Variants in FBXL13 observed in about 807,000 individuals in gnomAD.
FBXL13 encodes the protein F-box and leucine rich repeat protein 13.
FBXL13 carries 67 observed loss-of-function variants against 83.6 expected under a neutral mutation model. That is an observed-to-expected ratio of 0.80 (90% CI 0.66 to 0.98). The LOEUF is 0.98. Ranked by LOEUF, FBXL13 falls within the 50% of genes least tolerant of loss-of-function variation. The pLI, the probability that FBXL13 is intolerant of heterozygous loss-of-function variation, is 0.00. For synonymous variants in FBXL13, 272 were observed against 299.5 expected, an observed-to-expected ratio of 0.91 and a Z score of 0.95; for missense variants, 822 against 866.5, an observed-to-expected ratio of 0.95 and a Z score of 0.64.
chr7:102,997,479 C>T (rs1346506038), intron 6 of FBXL13, among the ~76,000 whole-genome samples: 1 of 152,126 alleles, frequency 6.6e-6, no homozygotes, highest in Non-Finnish European at 1.5e-5. Context: ...TTGTTAACTA[C>T]AGTCACCCAA....
intron 14 of FBXL13, 72 bp from the exon 16 acceptor site, chr7:102,878,522 C>T: frequency 1.0e-6 from 1 of 984,408 alleles, no homozygotes; most frequent in Non-Finnish European, 1.4e-6. Context: ...AAAGTAATAG[C>T]TACCATACCC....
chr7:102,883,775 GAC>G, intron 12 of FBXL13, 90 bp from the exon 14 acceptor site: 1 of 738,164 alleles, frequency 1.4e-6, no homozygotes. Flanking sequence ...ATATATTAGA[GAC>G]AGACATGTTA....
At chr7:102,916,646 G>A (rs1438230326) in intron 10 of FBXL13, among the ~76,000 whole-genome samples, 2 of 152,128 alleles carry the variant, frequency 1.3e-5, no homozygotes, top group Non-Finnish European at 2.9e-5. Flanking sequence ...TCTGAATTTT[G>A]GCAAAGACGC....
chr7:103,050,370 A>G (rs1796685853), intron 2 of FBXL13, among the ~76,000 whole-genome samples: 3 of 152,144 alleles, frequency 2.0e-5, no homozygotes, highest in Admixed American at 2.0e-4. Context: ...TTGCCACACC[A>G]TCGCCCTGGG....
intron 17 of FBXL13, among the ~76,000 whole-genome samples, chr7:102,838,920 C>T (rs1802453865): frequency 6.6e-6 from 1 of 152,136 alleles, no homozygotes; most frequent in Non-Finnish European, 1.5e-5. Flanking sequence ...GTCCCCCAGC[C>T]CGACACCCGT....
intron 11 of FBXL13, among the ~76,000 whole-genome samples, chr7:102,910,526 G>C (rs1222499485): frequency 1.3e-5 from 2 of 151,862 alleles, no homozygotes; most frequent in South Asian, 2.1e-4. Context: ...GTTTGTCACG[G>C]GCTCTCAACT....
intron 8 of FBXL13, among the ~76,000 whole-genome samples, chr7:102,961,523 G>A (rs1298167507): frequency 1.9e-4 from 27 of 141,720 alleles, no homozygotes; most frequent in East Asian, 8.6e-4. Flanking sequence ...AGCCCGCATC[G>A]CCAAGTCAAT....
At chr7:102,953,982 A>G (rs1368204704) in intron 8 of FBXL13, among the ~76,000 whole-genome samples, 1 of 152,224 alleles carries the variant, frequency 6.6e-6, no homozygotes, top group African/African-American at 2.4e-5. Flanking sequence ...CCGAATAGGA[A>G]CAGCTCCGGT....
chr7:103,048,353 G>A (rs1031640079), intron 2 of FBXL13, among the ~76,000 whole-genome samples: 1 of 150,900 alleles, frequency 6.6e-6, no homozygotes, highest in African/African-American at 2.4e-5. Context: ...CATTGATAGA[G>A]GGAAGACTCA....
rs1302920451 is a variant in FBXL13, at chr7:102,884,199, T to C, written c.1107+15A>G. The stretch of plus-strand genomic sequence containing the variant: ...TTATGGGACAGAAAAGTAAAGGTAC[T>C]TCCCAACTACCTACTTTTACACAGT... On this transcript the variant is annotated intron_variant, in intron 12 of 19. Transcript: ENST00000313221. 6.3e-7 allele frequency: 1 copy of C among 1,587,024 alleles called. No homozygotes were observed. Among genetic ancestry groups the C allele is most frequent in the Non-Finnish European group, 8.7e-7 (1 of 1,155,558 alleles).
intron 16 of FBXL13, among the ~76,000 whole-genome samples, chr7:102,875,144 A>G (rs1809048051): frequency 6.6e-6 from 1 of 152,324 alleles, no homozygotes; most frequent in South Asian, 2.1e-4. Flanking sequence ...CCTATGTGTC[A>G]GGAAAAGGTT....
intron 14 of FBXL13, among the ~76,000 whole-genome samples, chr7:102,879,375 T>C (rs80187999): frequency 0.033 from 5,047 of 152,176 alleles, 237 homozygotes; most frequent in East Asian, 0.16. Flanking sequence ...GCGATGCCTG[T>C]GTGCCCATCA....
chr7:102,998,554 T>C (rs1790050295), intron 6 of FBXL13, among the ~76,000 whole-genome samples: 1 of 152,218 alleles, frequency 6.6e-6, no homozygotes, highest in Admixed American at 6.5e-5. Context: ...TCAAAATTAT[T>C]TGCTGTTGGC....
chr7:103,063,872 TAAG>T (rs1411060487), intron 1 of FBXL13, among the ~76,000 whole-genome samples: 1 of 152,096 alleles, frequency 6.6e-6, no homozygotes, highest in Admixed American at 6.6e-5. Context: ...GTCTTACAAA[TAAG>T]AAATAATCCC....
chr7:102,894,088 A>G (rs1811954473), intron 11 of FBXL13, among the ~76,000 whole-genome samples: 1 of 152,216 alleles, frequency 6.6e-6, no homozygotes. Context: ...TCTCCATTCA[A>G]TTTGGCTAGT....
At chr7:102,844,395 A>T (rs1324748325) in intron 17 of FBXL13, among the ~76,000 whole-genome samples, 1 of 152,168 alleles carries the variant, frequency 6.6e-6, no homozygotes, top group Non-Finnish European at 1.5e-5. Flanking sequence ...AGAGAACAAT[A>T]CATCCTTCAA....
chr7:103,073,517 G>C (rs1444111135), intron 1 of FBXL13, among the ~76,000 whole-genome samples: 1 of 152,036 alleles, frequency 6.6e-6, no homozygotes, highest in Non-Finnish European at 1.5e-5. Flanking sequence ...ATATGTCTTG[G>C]AGGACATTTC....
intron 10 of FBXL13, among the ~76,000 whole-genome samples, chr7:102,918,857 T>G (rs1433562112): frequency 6.6e-6 from 1 of 152,244 alleles, no homozygotes; most frequent in Admixed American, 6.5e-5. Context: ...ATACTCTTTT[T>G]CTATGTTTAT....
intron 11 of FBXL13, among the ~76,000 whole-genome samples, chr7:102,910,429 A>G (rs994852087): frequency 6.7e-6 from 1 of 149,492 alleles, no homozygotes; most frequent in African/African-American, 2.5e-5. Context: ...GTCTTTATTC[A>G]CATGGAGTGC....
Sources: gnomAD v4.1 joint callset for allele counts (sites outside exome capture counted in the v4.1 genomes callset) on GRCh38, gnomAD v4.1.1 for gene constraint, MANE v1.5 for transcripts, NCBI Gene and HGNC (gene_info 2026-07-23, HGNC 2026-07-21) for gene names.